The following EPB41L3 variants were observed in gnomAD, a reference collection of about 807,000 sequenced individuals.
The protein encoded by EPB41L3 is erythrocyte membrane protein band 4.1 like 3, also known as band 4.1-like protein 3.
A neutral mutation model predicts 127.1 loss-of-function variants in EPB41L3; 57 were observed. That is an observed-to-expected ratio of 0.45 (90% confidence interval 0.36 to 0.56). EPB41L3 has a LOEUF of 0.56. Ranked by LOEUF, EPB41L3 falls within the 20% of genes least tolerant of loss-of-function variation. The pLI is 0.00. For synonymous variants in EPB41L3, 572 were observed against 549.5 expected, an observed-to-expected ratio of 1.04 and a Z score of -0.57; for missense variants, 1,273 against 1,372.2, an observed-to-expected ratio of 0.93 and a Z score of 1.14.
intron 1 of EPB41L3, among the ~76,000 whole-genome samples, chr18:5,538,487 T>C (rs1483010541): frequency 2.0e-5 from 3 of 152,244 alleles, no homozygotes; most frequent in East Asian, 1.9e-4. Flanking sequence ...AACTTTCTTT[T>C]AGAAATGATG....
chr18:5,502,266 T>G (rs2091811352), intron 1 of EPB41L3, among the ~76,000 whole-genome samples: 1 of 152,084 alleles, frequency 6.6e-6, no homozygotes, highest in South Asian at 2.1e-4. Context: ...AATCCACATA[T>G]TTCCAGTTCA....
intron 3 of EPB41L3, among the ~76,000 whole-genome samples, chr18:5,563,235 AT>A (rs755446515): frequency 5.3e-5 from 8 of 152,170 alleles, no homozygotes; most frequent in Non-Finnish European, 8.8e-5. Flanking sequence ...GGCCCAAGTG[AT>A]TGACAATTAT....
chr18:5,454,120 C>CT (rs1167040139), intron 3 of EPB41L3, among the ~76,000 whole-genome samples: 1 of 151,668 alleles, frequency 6.6e-6, no homozygotes, highest in Non-Finnish European at 1.5e-5. Flanking sequence ...CCTGGGCTTC[C>CT]TTTTTTTCTA....
At chr18:5,404,619 G>A (rs1321087806) in intron 16 of EPB41L3, among the ~76,000 whole-genome samples, 1 of 152,108 alleles carries the variant, frequency 6.6e-6, no homozygotes, top group Non-Finnish European at 1.5e-5. Context: ...TATTATAAAT[G>A]TAAAAAAAAC....
chr18:5,530,367 C>T (rs1348898157), intron 1 of EPB41L3, among the ~76,000 whole-genome samples: 6 of 152,098 alleles, frequency 3.9e-5, no homozygotes, highest in Non-Finnish European at 7.3e-5. Context: ...CTCATTTTTA[C>T]CATAATGATA....
At chr18:5,476,638 A>G (rs1468909419) in intron 3 of EPB41L3, among the ~76,000 whole-genome samples, 2 of 152,236 alleles carry the variant, frequency 1.3e-5, no homozygotes, top group African/African-American at 4.8e-5. Flanking sequence ...CAAAAAATAG[A>G]AAGACTCTCC....
intron 1 of EPB41L3, among the ~76,000 whole-genome samples, chr18:5,525,483 C>T (rs113893930): frequency 0.016 from 2,460 of 152,240 alleles, 58 homozygotes; most frequent in African/African-American, 0.055. Context: ...GCACACTTTA[C>T]AGGGGATGAC....
chr18:5,394,988 G>C lies in EPB41L3; in HGVS notation c.3153+79C>G, dbSNP rs2073106466. The C allele has an allele frequency of 2.2e-6, 3 of 1,393,806 alleles. No individual in the cohort carries two copies. In the Admixed American group the frequency reaches 5.0e-5, roughly 23 times the overall value. 86.3% of individuals were successfully genotyped at this position (1,393,806 alleles called of 1,614,324 possible). On this transcript the variant is annotated intron_variant, in intron 21 of 22. Coordinates refer to ENST00000341928, the MANE Select transcript of EPB41L3 (RefSeq NM_012307.5). Reference sequence around the variant, plus strand: ...TCTTCGGAATACATGCTGGACTAGAGGAATAGCATTGAAACTGTAGGACCA... The same window carrying C: ...TCTTCGGAATACATGCTGGACTAGACGAATAGCATTGAAACTGTAGGACCA...
chr18:5,627,299 A>G (rs2094932827), intron 1 of EPB41L3, among the ~76,000 whole-genome samples: 1 of 152,184 alleles, frequency 6.6e-6, no homozygotes, highest in African/African-American at 2.4e-5. Context: ...GATGTGAACC[A>G]TGGCATGTTC....
At chr18:5,402,136 T>C (rs540121989) in intron 16 of EPB41L3, among the ~76,000 whole-genome samples, 52 of 151,428 alleles carry the variant, frequency 3.4e-4, no homozygotes, top group African/African-American at 1.3e-3. Context: ...AATGACTCTT[T>C]CTAATGAGAA....
intron 3 of EPB41L3, among the ~76,000 whole-genome samples, chr18:5,473,702 T>C (rs533282663): frequency 6.6e-6 from 1 of 152,268 alleles, no homozygotes; most frequent in East Asian, 1.9e-4. Flanking sequence ...ATTTATTTTC[T>C]CTTTTAAAAT....
At chr18:5,441,462 ATT>A (rs201943060) in intron 5 of EPB41L3, among the ~76,000 whole-genome samples, 10 of 139,732 alleles carry the variant, frequency 7.2e-5, no homozygotes, top group South Asian at 4.5e-4. Context: ...TCGAATTCCA[ATT>A]TTTTTTTTTT....
chr18:5,420,746 G>T (rs2077375976), intron 11 of EPB41L3, among the ~76,000 whole-genome samples: 1 of 152,074 alleles, frequency 6.6e-6, no homozygotes, highest in Admixed American at 6.5e-5. Context: ...TTAGGTTTTA[G>T]ATATAAAATT....
intron 1 of EPB41L3, among the ~76,000 whole-genome samples, chr18:5,521,942 G>T (rs1229899562): frequency 6.6e-6 from 1 of 152,062 alleles, no homozygotes; most frequent in Non-Finnish European, 1.5e-5. Flanking sequence ...CTCAACACTA[G>T]CCATAATAAA....
chr18:5,549,737 T>C (rs1011484731), intron 3 of EPB41L3, among the ~76,000 whole-genome samples: 1 of 152,086 alleles, frequency 6.6e-6, no homozygotes, highest in Non-Finnish European at 1.5e-5. Flanking sequence ...CAGGTGATTA[T>C]AAATCACACC....
chr18:5,489,158 G>C lies in EPB41L3; in HGVS notation c.26C>G (p.Ser9Trp). Residue 9 changes from serine (S) to tryptophan (W), a missense_variant, in exon 2 of 23, where the codon TCG becomes TGG. This residue lies in a region of EPB41L3 where 182 missense variants were observed against 149.2 expected (regional missense o/e 1.22). Transcript: ENST00000341928. MTTESGSD[S>W]ESKPDQEAEP... ...GGCCTCCTGGTCCGGCTTGGATTCC[G>C]AGTCTGATCCAGATTCGGTCGTCAT... 2.5e-6 allele frequency: 4 copies of C among 1,597,048 alleles called. No individual in the cohort carries two copies. The highest frequency in any genetic ancestry group is 3.4e-6 in the Non-Finnish European group (4 of 1,175,264).
At chr18:5,540,612 C>T in intron 1 of EPB41L3, 3 of 943,054 alleles carry the variant, frequency 3.2e-6, no homozygotes, top group Non-Finnish European at 3.8e-6. Context: ...CAGCAGCTAG[C>T]TAGCCGTTTG....
At chr18:5,424,130 A>T (rs1385237462) in intron 10 of EPB41L3, 132 bp downstream of exon 10, 8 of 636,728 alleles carry the variant, frequency 1.3e-5, no homozygotes, top group Non-Finnish European at 2.0e-5. Flanking sequence ...AGGATTTCTT[A>T]TCAAGAAATA....
chr18:5,428,427 T>A lies in EPB41L3; in HGVS notation c.951A>T (p.Ala317=), dbSNP rs2145549717. 4 of 1,614,204 alleles carry A rather than the reference T, an allele frequency of 2.5e-6. No homozygotes were observed. In the South Asian group the frequency reaches 4.4e-5, roughly 18 times the overall value. ...EGVEIMLGVC[A]SGLLIYRDRL... ...GGTCGCGATATATCAACAGACCACT[T>A]GCACAAACTCCTAACATAATTTCTA... Residue 317 remains alanine (A), a synonymous_variant, in exon 9 of 23, where the codon GCA becomes GCT. Transcript: ENST00000341928.
Sources: allele counts gnomAD v4.1 joint callset (sites outside exome capture counted in the v4.1 genomes callset), GRCh38; gene constraint gnomAD v4.1.1; regional missense constraint gnomAD v4.1.1; transcripts MANE v1.5; gene names NCBI Gene and HGNC (gene_info 2026-07-23, HGNC 2026-07-21).